The following MEIS2 variants were observed in gnomAD, a reference collection of about 807,000 sequenced individuals.
MEIS2 encodes Meis homeobox 2.
In MEIS2, 9 loss-of-function variants were observed where a neutral mutation model predicts 58.6. The ratio of observed to expected loss-of-function variants is 0.15; its 90% CI spans 0.09 to 0.27. The LOEUF is 0.27. Ranked by LOEUF, MEIS2 falls within the 10% of genes least tolerant of loss-of-function variation. The pLI is 1.00. For synonymous variants in MEIS2, 221 were observed against 228.4 expected, an observed-to-expected ratio of 0.97 and a Z score of 0.29; for missense variants, 427 against 635.0, an observed-to-expected ratio of 0.67 and a Z score of 3.52.
At chr15:37,098,238 G>A (rs1894565089) in intron 1 of MEIS2, 39 bp from the exon 2 acceptor site, 1 of 1,539,290 alleles carries the variant, frequency 6.5e-7, no homozygotes, top group Non-Finnish European at 8.8e-7. Flanking sequence ...CGCAGGAGGT[G>A]AGGGAGAACA....
At position 37,036,903 on chromosome 15, in the gene MEIS2, C is replaced by A. The variant is rs752990884; in HGVS notation, c.811G>T (p.Asp271Tyr). 1.2e-6 allele frequency: 2 copies of A among 1,613,692 alleles called. No homozygotes were observed. The highest frequency in any genetic ancestry group is 1.7e-5 in the Admixed American group (1 of 59,980). Residue 271 changes from aspartate (D) to tyrosine (Y), a missense_variant, in exon 8 of 12, where the codon GAT (aspartate) becomes TAT (tyrosine). By Grantham distance (160) the Asp-to-Tyr change is radical. Around this residue, in one of 6 missense-constraint regions of MEIS2, gnomAD observed 138 missense variants for 263.0 expected, o/e 0.52. Transcript: ENST00000561208. Reference sequence around the variant, plus strand: ...TTCTTCTGGCGTTTTTTGTCCTTATCCGGATCATCATCGTCACCTGTACCA... The same window carrying A: ...TTCTTCTGGCGTTTTTTGTCCTTATACGGATCATCATCGTCACCTGTACCA... The part of the protein sequence containing the change: ...SPGTGDDDDP[D>Y]KDKKRQKKRG...
chr15:36,959,656 T>G (rs1358942548), intron 8 of MEIS2, among the ~76,000 whole-genome samples: 1 of 152,058 alleles, frequency 6.6e-6, no homozygotes, highest in East Asian at 1.9e-4. Flanking sequence ...ACATCAAAAT[T>G]GAAATAGTGA....
rs541655242 is a variant in MEIS2 at position 36,915,493 on chromosome 15, C to G, written c.978-18807G>C. On this transcript the variant is annotated intron_variant, in intron 9 of 11. Coordinates refer to ENST00000561208, the MANE Select transcript of MEIS2 (RefSeq NM_170675.5). ...ATATTTTGAAGGAAAATTTATTGTTCTTTGACAGCTGAGGCTCTGTAAATC... is the reference window on the plus strand; with the variant it reads ...ATATTTTGAAGGAAAATTTATTGTTGTTTGACAGCTGAGGCTCTGTAAATC... Among the ~76,000 whole-genome samples, 4 of 152,236 alleles carry G rather than the reference C, an allele frequency of 2.6e-5. No individual in the cohort carries two copies. In the South Asian group the frequency reaches 8.3e-4, roughly 32 times the overall value.
At chr15:36,899,582 C>A (rs1430620790) in intron 9 of MEIS2, among the ~76,000 whole-genome samples, 1 of 152,004 alleles carries the variant, frequency 6.6e-6, no homozygotes, top group African/African-American at 2.4e-5. Context: ...TTTAGAATGA[C>A]CTTTTTCAAT....
intron 8 of MEIS2, among the ~76,000 whole-genome samples, chr15:37,005,496 C>G (rs970500896): frequency 3.3e-5 from 5 of 152,134 alleles, no homozygotes; most frequent in Non-Finnish European, 7.4e-5. Context: ...TTCCTGCTGA[C>G]GCACCACCAT....
intron 7 of MEIS2, among the ~76,000 whole-genome samples, chr15:37,049,667 T>C (rs1227256590): frequency 6.6e-6 from 1 of 151,940 alleles, no homozygotes; most frequent in Non-Finnish European, 1.5e-5. Context: ...TTTGTATTTT[T>C]AGTACAGATG....
At chr15:37,047,649 C>A (rs1488546576) in intron 7 of MEIS2, among the ~76,000 whole-genome samples, 1 of 152,106 alleles carries the variant, frequency 6.6e-6, no homozygotes, top group Non-Finnish European at 1.5e-5. Flanking sequence ...TTTGACACAA[C>A]GGTCATGGTT....
At chr15:36,900,794 G>A (rs1469587139) in intron 9 of MEIS2, among the ~76,000 whole-genome samples, 1 of 152,178 alleles carries the variant, frequency 6.6e-6, no homozygotes, top group Non-Finnish European at 1.5e-5. Flanking sequence ...CCGAAGTATG[G>A]TTCAGATTGA....
intron 9 of MEIS2, among the ~76,000 whole-genome samples, chr15:36,935,804 A>T (rs1042478999): frequency 2.6e-5 from 4 of 150,988 alleles, no homozygotes; most frequent in Admixed American, 6.6e-5. Context: ...TTTTTTTTTT[A>T]AATAAAATTA....
intron 7 of MEIS2, among the ~76,000 whole-genome samples, chr15:37,073,901 T>C (rs943413107): frequency 2.6e-5 from 4 of 152,048 alleles, no homozygotes; most frequent in Non-Finnish European, 4.4e-5. Flanking sequence ...ATTAAACAAA[T>C]ATTTCATTGA....
chr15:36,916,805 T>A (rs1192866976), intron 9 of MEIS2, among the ~76,000 whole-genome samples: 1 of 152,172 alleles, frequency 6.6e-6, no homozygotes, highest in African/African-American at 2.4e-5. Flanking sequence ...TAATTAACAT[T>A]TATTGAGCTA....
chr15:37,046,868 T>C (rs1415385468), intron 7 of MEIS2, among the ~76,000 whole-genome samples: 2 of 151,240 alleles, frequency 1.3e-5, no homozygotes, highest in Non-Finnish European at 2.9e-5. Context: ...TAATTCATTG[T>C]CATTTGAAAT....
At chr15:37,003,737 A>C (rs1273693859) in intron 8 of MEIS2, among the ~76,000 whole-genome samples, 2 of 152,164 alleles carry the variant, frequency 1.3e-5, no homozygotes, top group Non-Finnish European at 2.9e-5. Context: ...CTAACCCCCA[A>C]TGTGAGGATA....
At chr15:36,997,179 T>C (rs2060552475) in intron 8 of MEIS2, among the ~76,000 whole-genome samples, 1 of 152,224 alleles carries the variant, frequency 6.6e-6, no homozygotes, top group East Asian at 1.9e-4. Flanking sequence ...TTGCTTACTT[T>C]GTGGAGTGTT....
rs764654791 is a variant in MEIS2, at chr15:37,098,077, G to C, written c.135C>G (p.Leu45=). The change falls in exon 2 of 12, where the codon CTC becomes CTG. Residue 45 remains leucine, a synonymous_variant. Transcript: ENST00000561208. ...GCGCGCCGTAGTGCTGTGTGGCGTG[G>C]AGCGGCGGCCCGTGGTTCAGGTGGT... ...PVHHLNHGPP[L]HATQHYGAHA... 2.5e-6 allele frequency: 4 copies of C among 1,613,842 alleles called. No homozygotes were observed. The highest frequency in any genetic ancestry group is 3.4e-6 in the Non-Finnish European group (4 of 1,179,954).
At chr15:37,040,219 G>A (rs535317089) in intron 7 of MEIS2, among the ~76,000 whole-genome samples, 51 of 152,168 alleles carry the variant, frequency 3.4e-4, no homozygotes, top group South Asian at 6.2e-4. Flanking sequence ...AGCATCTGAA[G>A]TTAGGATTCA....
At chr15:37,042,858 G>A (rs1465323244) in intron 7 of MEIS2, among the ~76,000 whole-genome samples, 1 of 152,124 alleles carries the variant, frequency 6.6e-6, no homozygotes, top group African/African-American at 2.4e-5. Context: ...GAGAGCACCG[G>A]ACTGACCCTC....
intron 8 of MEIS2, among the ~76,000 whole-genome samples, chr15:37,015,022 G>T (rs2061299287): frequency 6.6e-6 from 1 of 152,194 alleles, no homozygotes; most frequent in African/African-American, 2.4e-5. Flanking sequence ...AATCAGAATT[G>T]CACTGACATT....
At chr15:37,081,301 T>C (rs989251537) in intron 7 of MEIS2, among the ~76,000 whole-genome samples, 2 of 152,178 alleles carry the variant, frequency 1.3e-5, no homozygotes, top group Non-Finnish European at 2.9e-5. Flanking sequence ...TGAAACATTA[T>C]AATATATTTA....
Sources: gnomAD v4.1 joint callset for allele counts (sites outside exome capture counted in the v4.1 genomes callset) on GRCh38, gnomAD v4.1.1 for gene constraint, gnomAD v4.1.1 regional missense constraint, MANE v1.5 for transcripts, NCBI Gene and HGNC (gene_info 2026-07-23, HGNC 2026-07-21) for gene names.